The following ZNF335 variants were observed in gnomAD, a reference collection of about 807,000 sequenced individuals.
The protein encoded by ZNF335 is zinc finger protein 335.
ZNF335 carries 84 observed loss-of-function variants against 145.6 expected under a neutral mutation model. The observed-to-expected ratio is 0.58, with a 90% confidence interval of 0.48 to 0.69. The LOEUF is 0.69. Among genes scored for constraint, ZNF335 ranks in the 30% least tolerant of loss-of-function variants. The pLI is 0.00. For synonymous variants in ZNF335, 761 were observed against 717.0 expected, an observed-to-expected ratio of 1.06 and a Z score of -0.98; for missense variants, 1,865 against 1,809.7, an observed-to-expected ratio of 1.03 and a Z score of -0.55.
In ZNF335 at chr20:45,967,933, T is replaced by C. The variant is rs772961793; in HGVS notation, c.615A>G (p.Thr205=). The change falls in exon 5 of 28, where the codon ACA becomes ACG. Residue 205 remains threonine (T), a synonymous_variant. Transcript: ENST00000322927. The part of the protein sequence containing the change: ...ALADGPTSTS[T]CLEAQGGPSS... ...TGGGCCCACCCTGTGCCTCCAGGCA[T>C]GTGGATGTGGATGTGGGGCCATCTG... The C allele has an allele frequency of 6.2e-7, 1 of 1,607,664 alleles. No individual in the cohort carries two copies. The highest frequency in any genetic ancestry group is 1.1e-5 in the South Asian group (1 of 90,830).
At position 45,952,251 on chromosome 20, in the gene ZNF335, G is replaced by T; in HGVS notation, c.3085C>A (p.Pro1029Thr). The T allele has an allele frequency of 6.2e-7, 1 of 1,613,376 alleles. No individual in the cohort carries two copies. The highest frequency in any genetic ancestry group is 8.5e-7 in the Non-Finnish European group (1 of 1,180,028). Residue 1029 changes from proline to threonine, a missense_variant, in exon 20 of 28, where the codon CCT (proline) becomes ACT (threonine). Pro to Thr is a conservative substitution (Grantham distance 38). Transcript: ENST00000322927. ...FSCKICAEAF[P>T]GRAEMESHKR... Reference sequence around the variant, plus strand: ...TGACTCTCCATCTCAGCTCGGCCAGGGAAGGCCTCGGCACAGATCTTGCAG... The same window carrying T: ...TGACTCTCCATCTCAGCTCGGCCAGTGAAGGCCTCGGCACAGATCTTGCAG...
At position 45,968,295 on chromosome 20, in the gene ZNF335, G is replaced by A. The variant is rs530619682; in HGVS notation, c.510C>T (p.Gly170=). The A allele has an allele frequency of 6.2e-7, 1 of 1,613,202 alleles. No homozygotes were observed. The change falls in exon 4 of 28, where the codon GGC becomes GGT. Residue 170 remains glycine (G), a synonymous_variant. Coordinates refer to ENST00000322927, the MANE Select transcript of ZNF335 (RefSeq NM_022095.4). The part of the protein sequence containing the change: ...AETTRYLILQ[G]PDDGAPMTSP... ...CACCTGGGGTCTTACCATCATCTGG[G>A]CCCTGTAGGATCAGGTACCGTGTGG...
intron 1 of ZNF335, chr20:45,971,773 G>A (rs760109880): frequency 3.3e-4 from 329 of 985,256 alleles, no homozygotes; most frequent in Non-Finnish European, 3.9e-4. Context: ...CAGCCCTTCG[G>A]CCCCCGCGTC....
chr20:45,950,052 G>A lies in ZNF335; in HGVS notation c.3505C>T (p.His1169Tyr). 6.2e-7 allele frequency: 1 copy of A among 1,613,820 alleles called. No homozygotes were observed. The highest frequency in any genetic ancestry group is 8.5e-7 in the Non-Finnish European group (1 of 1,179,944). Residue 1169 changes from histidine (H) to tyrosine (Y), a missense_variant, in exon 23 of 28, where the codon CAC becomes TAC. His to Tyr is a moderately conservative substitution (Grantham distance 83, BLOSUM62 2). Coordinates refer to ENST00000322927, the MANE Select transcript of ZNF335 (RefSeq NM_022095.4). ...ATLHTALQSS[H>Y]GVLGPERLQQ... ...AGCCGCTCTGGGCCCAGGACCCCGTGACTGGACTGGAGTGCAGCTGGGCAG... is the reference window on the plus strand; with the variant it reads ...AGCCGCTCTGGGCCCAGGACCCCGTAACTGGACTGGAGTGCAGCTGGGCAG...
Position 45,957,663 on chromosome 20 carries a change from C to T in ZNF335, c.2365G>A (p.Ala789Thr). The T allele has an allele frequency of 3.7e-6, 6 of 1,614,168 alleles. No individual in the cohort carries two copies. Among genetic ancestry groups the T allele is most frequent in the South Asian group, 1.1e-5 (1 of 91,086 alleles). ...TCCAAGGCTGTCTGCGTGGCCATCGCTGTCGACTCCTCAGCTCCTGGGTGG... is the reference window on the plus strand; with the variant it reads ...TCCAAGGCTGTCTGCGTGGCCATCGTTGTCGACTCCTCAGCTCCTGGGTGG... ...IYQQGAEEST[A>T]MATQTALDLL... is the part of the protein sequence containing the mutation. Residue 789 changes from alanine to threonine, a missense_variant, in exon 17 of 28, where the codon GCG becomes ACG. Transcript: ENST00000322927.
At chr20:45,969,921 A>C in intron 2 of ZNF335, 1 of 453,086 alleles carries the variant, frequency 2.2e-6, no homozygotes, top group Non-Finnish European at 3.9e-6. Flanking sequence ...CACAAAAATA[A>C]GAGAAGGGAC....
intron 17 of ZNF335, 59 bp from the exon 18 acceptor site, chr20:45,954,007 A>G: frequency 1.3e-6 from 2 of 1,511,120 alleles, no homozygotes; most frequent in East Asian, 4.9e-5. Flanking sequence ...CGGGTATGCA[A>G]GACGCCTCCC....
At chr20:45,955,131 A>G (rs1039017893) in intron 17 of ZNF335, among the ~76,000 whole-genome samples, 2 of 152,036 alleles carry the variant, frequency 1.3e-5, no homozygotes, top group East Asian at 1.9e-4. Flanking sequence ...CGGGCAGATC[A>G]TGAGGTCAGG....
intron 2 of ZNF335, among the ~76,000 whole-genome samples, chr20:45,970,612 T>G (rs1305179946): frequency 6.6e-6 from 1 of 152,162 alleles, no homozygotes; most frequent in Non-Finnish European, 1.5e-5. Flanking sequence ...ACAAAATGTT[T>G]GCAAGAGGAT....
At chr20:45,954,757 G>A (rs541619685) in intron 17 of ZNF335, among the ~76,000 whole-genome samples, 1 of 148,376 alleles carries the variant, frequency 6.7e-6, no homozygotes, top group Non-Finnish European at 1.5e-5. Context: ...CCTCATTTAC[G>A]GTCATACAAT....
At position 45,965,672 on chromosome 20, in the gene ZNF335, C is replaced by A. The variant is rs1354786186; in HGVS notation, c.1058G>T (p.Arg353Leu). The change falls in exon 7 of 28, where the codon CGG (arginine) becomes CTG (leucine). Residue 353 changes from arginine (R) to leucine (L), a missense_variant. By Grantham distance (102) the Arg-to-Leu change is moderately radical. Coordinates refer to ENST00000322927, the MANE Select transcript of ZNF335 (RefSeq NM_022095.4). The part of the protein sequence containing the change: ...STPRPRRRPG[R>L]PRKLPRLEIS... ...CTCCAGGCGGGGCAGCTTCCGGGGC[C>A]GGCCAGGTCTCCTTCGGGGCCTTGG... The A allele has an allele frequency of 5.0e-6, 8 of 1,598,806 alleles. No homozygotes were observed. In the East Asian group the frequency reaches 6.9e-5, roughly 14 times the overall value.
rs1156279392 is a variant in ZNF335 at position 45,960,872 on chromosome 20, G to A, written c.1657C>T (p.Pro553Ser). 1.9e-6 allele frequency: 3 copies of A among 1,613,748 alleles called. No homozygotes were observed. Among genetic ancestry groups the A allele is most frequent in the Non-Finnish European group, 2.5e-6 (3 of 1,179,868 alleles). ...CAGCACGCCAGACTCACCGGATCTG[G>A]CCTCTTCTTCCTGTGGGGAAAAGGC... Reference protein sequence around the residue: ...AVHSRDRKKRPDPTPKLSSFP... With the variant: ...AVHSRDRKKRSDPTPKLSSFP... The change falls in exon 11 of 28, where the codon CCA becomes TCA. Residue 553 changes from proline (P) to serine (S), a missense_variant. Pro to Ser is a moderately conservative substitution (Grantham distance 74, BLOSUM62 -1). Transcript: ENST00000322927.
At position 45,949,020 on chromosome 20, in the gene ZNF335, G is replaced by A. The variant is rs777089176; in HGVS notation, c.3962C>T (p.Pro1321Leu). 7 of 1,613,938 alleles carry A rather than the reference G, an allele frequency of 4.3e-6. No individual in the cohort carries two copies. Among genetic ancestry groups the A allele is most frequent in the African/African-American group, 1.3e-5 (1 of 75,040 alleles). The change falls in exon 28 of 28, where the codon CCC (proline) becomes CTC (leucine). Residue 1321 changes from proline to leucine, a missense_variant. Physicochemically the swap from Pro to Leu is moderately conservative, Grantham distance 98 (BLOSUM62 -3). Coordinates refer to ENST00000322927, the MANE Select transcript of ZNF335 (RefSeq NM_022095.4). ...QGLFGTDETV[P>L]EHIQQLQHQG... ...GTGCTGCAGCTGTTGAATGTGTTCG[G>A]GCACTGTCTCGTCTGTACCAAACAG... is the stretch of plus-strand genomic sequence containing the variant.
At chr20:45,966,858 CTT>C (rs77856259) in intron 6 of ZNF335, 9 of 130,642 alleles carry the variant, frequency 6.9e-5, no homozygotes, top group African/African-American at 1.1e-4. Context: ...CGGCATTTCT[CTT>C]TTTTTTTTTT....
chr20:45,949,513 A>G lies in ZNF335; in HGVS notation c.3725T>C (p.Val1242Ala). The G allele has an allele frequency of 3.7e-6, 6 of 1,613,620 alleles. No individual in the cohort carries two copies. Among genetic ancestry groups the G allele is most frequent in the African/African-American group, 1.3e-5 (1 of 75,008 alleles). ...GVQHLLPQEYVVVPEGHHIQV... is the reference protein window; with the variant it reads ...GVQHLLPQEYAVVPEGHHIQV... ...GATGTGATGGCCTTCAGGGACCACAACATATTCCTGGGGGAGCAGGTGCTG... is the reference window on the plus strand; with the variant it reads ...GATGTGATGGCCTTCAGGGACCACAGCATATTCCTGGGGGAGCAGGTGCTG... The change falls in exon 25 of 28, where the codon GTT (valine) becomes GCT (alanine). Residue 1242 changes from valine (V) to alanine (A), a missense_variant. By Grantham distance (64) the Val-to-Ala change is moderately conservative (BLOSUM62 0). Transcript: ENST00000322927.
At chr20:45,967,361 CCT>C (rs2083974428) in intron 6 of ZNF335, 131 bp downstream of exon 6, 2 of 1,407,014 alleles carry the variant, frequency 1.4e-6, no homozygotes, top group Non-Finnish European at 9.8e-7. Flanking sequence ...AGCACAACCT[CCT>C]CTGTCTTATA....
Position 45,960,962 on chromosome 20 carries a change from C to T in ZNF335, c.1647-80G>A, listed in dbSNP as rs890434977. 4.4e-6 allele frequency: 7 copies of T among 1,579,554 alleles called. No individual in the cohort carries two copies. In the African/African-American group the frequency reaches 6.7e-5, roughly 15 times the overall value. ...CCCTCTCACACTGAACAGACCCAGC[C>T]TCAGCTATGAGCCTACTCCCTGCCA... On this transcript the variant is annotated intron_variant, in intron 10 of 27. Coordinates refer to ENST00000322927, the MANE Select transcript of ZNF335 (RefSeq NM_022095.4).
Position 45,949,552 on chromosome 20 carries a change from G to A in ZNF335, c.3686C>T (p.Ser1229Phe). The change falls in exon 25 of 28, where the codon TCC becomes TTC. Residue 1229 changes from serine (S) to phenylalanine (F), a missense_variant. Transcript: ENST00000322927. Reference protein sequence around the residue: ...TSDNQVQYIISQDGVQHLLPQ... With the variant: ...TSDNQVQYIIFQDGVQHLLPQ... ...GAGCAGGTGCTGGACACCATCCTGG[G>A]AGATGATATACTGCACCTGTTGGTG... The A allele has an allele frequency of 3.7e-6, 6 of 1,612,568 alleles. No homozygotes were observed. The highest frequency in any genetic ancestry group is 4.2e-6 in the Non-Finnish European group (5 of 1,179,754).
chr20:45,956,883 AG>A (rs1459017001), intron 17 of ZNF335, among the ~76,000 whole-genome samples: 1 of 152,206 alleles, frequency 6.6e-6, no homozygotes, highest in Non-Finnish European at 1.5e-5. Flanking sequence ...ATGATACCAA[AG>A]GGAAAACTAT....
Sources: allele counts gnomAD v4.1 joint callset (sites outside exome capture counted in the v4.1 genomes callset), GRCh38; gene constraint gnomAD v4.1.1; transcripts MANE v1.5; gene names NCBI Gene and HGNC (gene_info 2026-07-23, HGNC 2026-07-21).